Variants in SPAG6 observed in about 807,000 individuals in gnomAD.
SPAG6 encodes sperm associated antigen 6, also known as sperm-associated antigen 6.
SPAG6 carries 49 observed loss-of-function variants against 58.5 expected under a neutral mutation model. That is an observed-to-expected ratio of 0.84 (90% CI 0.67 to 1.06). The LOEUF (loss-of-function observed/expected upper bound fraction) is 1.06. Among genes scored for constraint, SPAG6 ranks in the 50% least tolerant of loss-of-function variants. The pLI is 0.00. For missense variants in SPAG6, 560 were observed against 611.3 expected (o/e 0.92, Z 0.89); for synonymous variants, 233 against 225.6 (o/e 1.03, Z -0.29).
Position 22,401,258 on chromosome 10 carries a change from T to A in SPAG6, c.1295T>A (p.Val432Glu). Residue 432 changes from valine (V) to glutamate (E), a missense_variant, in exon 9 of 11, where the codon GTG becomes GAG. Transcript: ENST00000376624. ...GCTCCTCCCAATATTCTGAAACATGTGGTTGGACAGTTCAGTAAGGTAAGA... is the reference window on the plus strand; with the variant it reads ...GCTCCTCCCAATATTCTGAAACATGAGGTTGGACAGTTCAGTAAGGTAAGA... ...YDAPPNILKH[V>E]VGQFSKVLPH... 6.4e-7 allele frequency: 1 copy of A among 1,564,128 alleles called. No individual in the cohort carries two copies. The highest frequency in any genetic ancestry group is 8.8e-7 in the Non-Finnish European group (1 of 1,134,806).
intron 4 of SPAG6, among the ~76,000 whole-genome samples, chr10:22,384,064 AG>A (rs1171117657): frequency 3.3e-5 from 5 of 152,228 alleles, no homozygotes; most frequent in Non-Finnish European, 7.3e-5. Context: ...GTTCAGAGTA[AG>A]GGCAGTTCCA....
chr10:22,348,847 T>C (rs193243129), intron 2 of SPAG6, among the ~76,000 whole-genome samples: 77 of 152,324 alleles, frequency 5.1e-4, no homozygotes, highest in African/African-American at 1.7e-3. Flanking sequence ...TCTTTTTTGT[T>C]TTCGAGACAG....
intron 2 of SPAG6, among the ~76,000 whole-genome samples, chr10:22,351,349 G>A (rs1003959184): frequency 1.3e-5 from 2 of 152,146 alleles, no homozygotes; most frequent in Admixed American, 6.5e-5. Context: ...CTCTTTAAAC[G>A]CACGCAGAGG....
At chr10:22,396,884 T>C (rs771179123) in intron 8 of SPAG6, among the ~76,000 whole-genome samples, 55 of 152,196 alleles carry the variant, frequency 3.6e-4, no homozygotes, top group Non-Finnish European at 6.5e-4. Context: ...AGCCCAGGAT[T>C]CCTTCTCTGA....
intron 2 of SPAG6, among the ~76,000 whole-genome samples, chr10:22,360,195 A>G (rs1175668403): frequency 6.6e-6 from 1 of 152,160 alleles, no homozygotes; most frequent in Admixed American, 6.5e-5. Flanking sequence ...AACTTAAGTC[A>G]TATATGTATC....
intron 8 of SPAG6, among the ~76,000 whole-genome samples, chr10:22,392,585 A>G (rs1351065074): frequency 6.6e-6 from 1 of 152,122 alleles, no homozygotes; most frequent in Admixed American, 6.6e-5. Context: ...CATAGTTCCT[A>G]TTAGGAAAAC....
chr10:22,409,784 C>CA (rs1413403665), intron 9 of SPAG6, among the ~76,000 whole-genome samples: 1 of 151,346 alleles, frequency 6.6e-6, no homozygotes, highest in Non-Finnish European at 1.5e-5. Flanking sequence ...TCTGGTCAGT[C>CA]TTTTTTTTTG....
At chr10:22,358,033 C>T (rs1341645604) in intron 2 of SPAG6, among the ~76,000 whole-genome samples, 12 of 151,922 alleles carry the variant, frequency 7.9e-5, no homozygotes, top group South Asian at 2.1e-4. Context: ...TGAATAGTGT[C>T]GCAATAAACA....
intron 2 of SPAG6, among the ~76,000 whole-genome samples, chr10:22,356,681 C>T (rs1366433131): frequency 1.3e-5 from 2 of 152,226 alleles, no homozygotes; most frequent in African/African-American, 2.4e-5. Flanking sequence ...TCACTGATTC[C>T]TTTCCAATAA....
At chr10:22,393,596 C>G (rs908686850) in intron 8 of SPAG6, among the ~76,000 whole-genome samples, 1 of 151,958 alleles carries the variant, frequency 6.6e-6, no homozygotes, top group Non-Finnish European at 1.5e-5. Context: ...TTCCTTCTGC[C>G]TATATTTAGT....
At chr10:22,351,182 T>C (rs566156405) in intron 2 of SPAG6, among the ~76,000 whole-genome samples, 4 of 152,314 alleles carry the variant, frequency 2.6e-5, no homozygotes, top group African/African-American at 9.6e-5. Flanking sequence ...TCGTGGAGTT[T>C]GAGTGGAGGC....
intron 4 of SPAG6, among the ~76,000 whole-genome samples, chr10:22,369,305 T>C (rs1465917715): frequency 6.6e-6 from 1 of 152,200 alleles, no homozygotes; most frequent in East Asian, 1.9e-4. Flanking sequence ...AGGATTGTGT[T>C]GACTCACCCA....
At chr10:22,371,495 G>T (rs190297868) in intron 4 of SPAG6, among the ~76,000 whole-genome samples, 1 of 151,996 alleles carries the variant, frequency 6.6e-6, no homozygotes, top group Non-Finnish European at 1.5e-5. Flanking sequence ...CTTGTAATCC[G>T]CCCGCCTCGG....
chr10:22,358,160 A>G (rs1366426083), intron 2 of SPAG6, among the ~76,000 whole-genome samples: 3 of 152,168 alleles, frequency 2.0e-5, no homozygotes, highest in Non-Finnish European at 2.9e-5. Flanking sequence ...GAATCGCCAC[A>G]CTGACTTCAA....
At chr10:22,379,011 ATG>A (rs1833888342) in intron 4 of SPAG6, among the ~76,000 whole-genome samples, 1 of 152,182 alleles carries the variant, frequency 6.6e-6, no homozygotes, top group Non-Finnish European at 1.5e-5. Flanking sequence ...CACTCAACCC[ATG>A]TGTTAGGGTT....
Position 22,345,704 on chromosome 10 carries a change from C to A in SPAG6, c.26-19C>A, listed in dbSNP as rs565181792. ...GGAGACCCGGGTGCGGTGGGCTCCA[C>A]CGACTCTCTCTCCCGCAGTGTTCGA... On this transcript the variant is annotated intron_variant, in intron 1 of 10. Transcript: ENST00000376624. The surrounding 1 kb of genome is among the most constrained non-coding windows in gnomAD (Gnocchi z 6.3). 7 of 1,604,716 alleles carry A rather than the reference C, an allele frequency of 4.4e-6. No homozygotes were observed. In the African/African-American group the frequency reaches 9.4e-5, roughly 21 times the overall value.
intron 4 of SPAG6, 55 bp from the exon 5 acceptor site, chr10:22,386,699 C>T: frequency 7.1e-7 from 1 of 1,412,814 alleles, no homozygotes; most frequent in Non-Finnish European, 1.0e-6. Flanking sequence ...TGAAAAATGG[C>T]TTGCACAAGG....
intron 4 of SPAG6, among the ~76,000 whole-genome samples, chr10:22,374,481 A>G (rs1347592256): frequency 2.0e-5 from 3 of 152,064 alleles, no homozygotes; most frequent in African/African-American, 4.8e-5. Context: ...TGAAAGATGA[A>G]TTATAACTGG....
At chr10:22,346,214 C>T (rs1836523154) in intron 2 of SPAG6, among the ~76,000 whole-genome samples, 1 of 152,154 alleles carries the variant, frequency 6.6e-6, no homozygotes, top group Admixed American at 6.5e-5. Flanking sequence ...GTGGTTTAGA[C>T]GTGATTTCTC....
Sources: gnomAD v4.1 joint callset for allele counts (sites outside exome capture counted in the v4.1 genomes callset) on GRCh38, gnomAD v4.1.1 for gene constraint, Gnocchi (gnomAD v3.1) non-coding constraint, MANE v1.5 for transcripts, NCBI Gene and HGNC (gene_info 2026-07-23, HGNC 2026-07-21) for gene names.